Variants in PLEKHG5 observed in about 807,000 individuals in gnomAD.
PLEKHG5 encodes pleckstrin homology domain-containing family G member 5.
A neutral mutation model predicts 103.8 loss-of-function variants in PLEKHG5; 52 were observed. That is an observed-to-expected ratio of 0.50 (90% CI 0.40 to 0.63). The LOEUF is 0.63. Among genes scored for constraint, PLEKHG5 ranks in the 30% least tolerant of loss-of-function variants. The pLI, the probability that PLEKHG5 is intolerant of heterozygous loss-of-function variation, is 0.00. For missense variants in PLEKHG5, 1,205 were observed against 1,347.6 expected (o/e 0.89, Z 1.66); for synonymous variants, 592 against 575.5 (o/e 1.03, Z -0.41).
upstream of PLEKHG5, among the ~76,000 whole-genome samples, chr1:6,492,396 C>G (rs913867643): frequency 6.6e-6 from 1 of 152,136 alleles, no homozygotes; most frequent in Non-Finnish European, 1.5e-5. Context: ...CACACTGTCC[C>G]GTGGCCACCT....
intron 1 of PLEKHG5, among the ~76,000 whole-genome samples, chr1:6,480,844 T>C (rs1284896330): frequency 6.6e-6 from 1 of 152,020 alleles, no homozygotes; most frequent in Admixed American, 6.6e-5. Context: ...TTTCGCCATG[T>C]TGCACAGCCT....
In PLEKHG5 at chr1:6,516,858, A is replaced by G. The variant is rs1326000419; in HGVS notation, c.-165+2587T>C. 9.3e-3 allele frequency among the ~76,000 whole-genome samples: 250 copies of G among 26,994 alleles called. 3 individuals carry two copies. Among genetic ancestry groups the G allele is most frequent in the African/African-American group, 0.015 (240 of 15,752 alleles). 17.7% of individuals were successfully genotyped at this position (26,994 alleles called of 152,430 possible). A position where few individuals can be genotyped will look rare whatever the true frequency, so the allele number is the denominator to read the frequency against. Reference sequence around the variant, plus strand: ...TGTGTGTATATATATATGTGTGTGTATATATGTGTATATATATATATATAT... The same window carrying G: ...TGTGTGTATATATATATGTGTGTGTGTATATGTGTATATATATATATATAT... On this transcript the variant is annotated intron_variant, in intron 1 of 21. Coordinates refer to the PLEKHG5 transcript ENST00000377740.
upstream of PLEKHG5, among the ~76,000 whole-genome samples, chr1:6,498,379 T>C (rs1348008347): frequency 6.6e-6 from 1 of 152,178 alleles, no homozygotes; most frequent in Admixed American, 6.5e-5. Context: ...GCCCTGGGAC[T>C]CACAGGTGAC....
rs534760199 is a variant in PLEKHG5 at position 6,470,808 on chromosome 1, T to A, written c.1469A>T (p.Lys490Met). The A allele has an allele frequency of 3.2e-6, 5 of 1,577,148 alleles. No individual in the cohort carries two copies. The highest frequency in any genetic ancestry group is 4.3e-6 in the Non-Finnish European group (5 of 1,161,894). ...CACCGACTTGAGCAGCAGCGGGTAC[T>A]TGGTGAGCCGCTGGTGGGGTTTGGC... ...MLAKPHQRLT[K>M]YPLLLKSVLR... is the part of the protein sequence containing the mutation. The change falls in exon 14 of 21, where the codon AAG (lysine) becomes ATG (methionine). Residue 490 changes from lysine to methionine, a missense_variant. By Grantham distance (95) the Lys-to-Met change is moderately conservative. Transcript: ENST00000377728.
chr1:6,515,804 C>A (rs1218939594), intron 1 of PLEKHG5, among the ~76,000 whole-genome samples: 1 of 152,186 alleles, frequency 6.6e-6, no homozygotes, highest in African/African-American at 2.4e-5. Context: ...CCCAGAGTCC[C>A]CTACCGCTGC....
intron 4 of PLEKHG5, 119 bp from the exon 5 acceptor site, chr1:6,475,257 C>A (rs1412808649): frequency 1.5e-6 from 1 of 686,912 alleles, no homozygotes; most frequent in South Asian, 1.5e-5. Flanking sequence ...TCCTTCCCAC[C>A]CTCCTTCCCA....
rs1490106129 is a variant in PLEKHG5 at position 6,471,381 on chromosome 1, G to A, written c.1281+107C>T. 5 of 1,302,036 alleles carry A rather than the reference G, an allele frequency of 3.8e-6. No homozygotes were observed. In the African/African-American group the frequency reaches 5.8e-5, roughly 15 times the overall value. The allele number at this position is 1,302,036 out of a possible 1,614,324, so 80.7% of individuals were successfully genotyped here. ...CACAAGGGGTCAAGTGCGGTTACGG[G>A]CCTGGGGGAGGTTGGGGATGCTGGG... On this transcript the variant is annotated intron_variant, in intron 12 of 20. Transcript: ENST00000377728.
upstream of PLEKHG5, chr1:6,497,344 CG>C (rs1391686429): frequency 1.9e-5 from 20 of 1,034,750 alleles, no homozygotes; most frequent in Non-Finnish European, 2.3e-5. The surrounding 1 kb of genome is among the most constrained non-coding windows in gnomAD (Gnocchi z 6.1). Flanking sequence ...CCGTGCCGCG[CG>C]GGGGGCGGGC....
chr1:6,474,982 G>C, intron 5 of PLEKHG5, 65 bp downstream of exon 5: 1 of 971,302 alleles, frequency 1.0e-6, no homozygotes, highest in South Asian at 1.3e-5. Flanking sequence ...GAGACCCGGA[G>C]CCTGCAACAT....
rs759401803 is a variant in PLEKHG5, at chr1:6,473,099, C to T, written c.871G>A (p.Gly291Arg). The change falls in exon 9 of 21, where the codon GGG becomes AGG. Residue 291 changes from glycine (G) to arginine (R), a missense_variant. By Grantham distance (125) the Gly-to-Arg change is moderately radical. Coordinates refer to ENST00000377728, the MANE Select transcript of PLEKHG5 (RefSeq NM_020631.6). ...CAGGAGTCATGGTCGAAGCGCAGCC[C>T]CCGGGGCAGCCTGGGCAGCCCGAAG... ...SLFGLPRLPR[G>R]LRFDHDSWEE... 5.6e-6 allele frequency: 9 copies of T among 1,613,866 alleles called. No individual in the cohort carries two copies. Among genetic ancestry groups the T allele is most frequent in the South Asian group, 1.1e-5 (1 of 91,092 alleles).
At chr1:6,481,862 TAAAAA>T (rs202091933) in intron 1 of PLEKHG5, among the ~76,000 whole-genome samples, 1 of 137,254 alleles carries the variant, frequency 7.3e-6, no homozygotes, top group Non-Finnish European at 1.6e-5. Context: ...GACATTATCT[TAAAAA>T]AAAAAAAAAG....
intron 1 of PLEKHG5, chr1:6,485,183 G>T (rs1294033028): frequency 3.7e-6 from 2 of 540,934 alleles, no homozygotes; most frequent in Non-Finnish European, 5.7e-6. Context: ...GGGCTCGGCC[G>T]CCATGGGCCG....
At chr1:6,468,685 T>C (rs1644470867) in intron 19 of PLEKHG5, 99 bp from the exon 20 acceptor site, 1 of 1,310,574 alleles carries the variant, frequency 7.6e-7, no homozygotes, top group Non-Finnish European at 1.1e-6. Flanking sequence ...CCCTCTGCCC[T>C]CCTGGGGCTG....
At chr1:6,514,033 T>C (rs997264498) in intron 1 of PLEKHG5, among the ~76,000 whole-genome samples, 3 of 152,144 alleles carry the variant, frequency 2.0e-5, no homozygotes, top group Admixed American at 1.3e-4. Flanking sequence ...TCGAGAAGCA[T>C]AAAGCAGGGA....
rs200566052 is a variant in PLEKHG5 at position 6,474,622 on chromosome 1, C to A, written c.303-35G>T. 3 of 1,611,556 alleles carry A rather than the reference C, an allele frequency of 1.9e-6. 1 individual carries two copies. In the Admixed American group the frequency reaches 5.0e-5, roughly 27 times the overall value. On this transcript the variant is annotated intron_variant, in intron 5 of 20. Transcript: ENST00000377728. ...GGACAGGAGGCATGTGTGTTAGAAC[C>A]AGGCGGCCAGTCGCTTCAGCTTGGG... is the stretch of plus-strand genomic sequence containing the variant.
At chr1:6,517,605 G>A (rs528572380) in intron 1 of PLEKHG5, among the ~76,000 whole-genome samples, 4 of 152,318 alleles carry the variant, frequency 2.6e-5, no homozygotes, top group Non-Finnish European at 5.9e-5. Flanking sequence ...TTGTGGGGGT[G>A]AGCAAAGGAA....
rs1172053279 is a variant in PLEKHG5, at chr1:6,505,658, T to G, written c.-164-9089A>C. Among the ~76,000 whole-genome samples the G allele has an allele frequency of 6.6e-6, 1 of 152,186 alleles. No homozygotes were observed. The highest frequency in any genetic ancestry group is 1.5e-5 in the Non-Finnish European group (1 of 68,034). ...CGTCCTGGGACCTGGAACGTGAATG[T>G]TCCAGAACATCTCATTACACCACCC... On this transcript the variant is annotated intron_variant, in intron 1 of 21. Coordinates refer to the PLEKHG5 transcript ENST00000377740. The surrounding 1 kb of genome is among the most constrained non-coding windows in gnomAD (Gnocchi z 4.2).
At chr1:6,473,693 ACACTCAGATG>A (rs1183816054) in intron 7 of PLEKHG5, among the ~76,000 whole-genome samples, 1 of 152,068 alleles carries the variant, frequency 6.6e-6, no homozygotes, top group Non-Finnish European at 1.5e-5. Flanking sequence ...ACAGAGTTAC[ACACTCAGATG>A]CACTCTGGAA....
rs377654521 is a variant in PLEKHG5, at chr1:6,477,806, ACAT to A, written c.-87-151_-87-149del. 1.7e-4 allele frequency: 124 copies of A among 720,370 alleles called. 1 individual carries two copies. The African/African-American group carries it at 2.0e-3, about 12-fold the overall frequency. The allele number at this position is 720,370 out of a possible 1,614,324, so 44.6% of individuals were successfully genotyped here. On this transcript the variant is annotated intron_variant, in intron 1 of 20. Transcript: ENST00000377728. ...GCCCCCCAGCAGTCCCCCCTCTCCC[ACAT>A]CATCAAGTTTCCCCTCTGCTGGATC... is the stretch of plus-strand genomic sequence containing the variant.
Sources: gnomAD v4.1 joint callset for allele counts (sites outside exome capture counted in the v4.1 genomes callset) on GRCh38, gnomAD v4.1.1 for gene constraint, Gnocchi (gnomAD v3.1) non-coding constraint, MANE v1.5 for transcripts, NCBI Gene and HGNC (gene_info 2026-07-23, HGNC 2026-07-21) for gene names.